Variants in CNTNAP5 observed in about 807,000 individuals in gnomAD.
The protein encoded by CNTNAP5 is contactin-associated protein-like 5.
Under a neutral mutation model 150.2 loss-of-function variants are expected in CNTNAP5, and 72 were observed. That is an observed-to-expected ratio of 0.48 (90% CI 0.40 to 0.58). CNTNAP5 has a LOEUF of 0.58. Among genes scored for constraint, CNTNAP5 ranks in the 20% least tolerant of loss-of-function variants. The pLI, the probability that CNTNAP5 is intolerant of heterozygous loss-of-function variation, is 0.00. For synonymous variants in CNTNAP5, 672 were observed against 619.8 expected (o/e 1.08, Z -1.25); for missense variants, 1,636 against 1,626.2 (o/e 1.01, Z -0.10).
At chr2:124,913,672 C>G (rs1678702955) in intron 23 of CNTNAP5, among the ~76,000 whole-genome samples, 1 of 151,982 alleles carries the variant, frequency 6.6e-6, no homozygotes, top group Admixed American at 6.6e-5. Context: ...ATTTAAGTAC[C>G]ATTTTCTAAG....
intron 12 of CNTNAP5, among the ~76,000 whole-genome samples, chr2:124,618,897 A>G (rs2104994024): frequency 6.6e-6 from 1 of 152,286 alleles, no homozygotes; most frequent in South Asian, 2.1e-4. Flanking sequence ...TGAACAAGAA[A>G]AGACCACTCT....
chr2:124,364,823 C>T (rs529268811), intron 3 of CNTNAP5, among the ~76,000 whole-genome samples: 1 of 152,212 alleles, frequency 6.6e-6, no homozygotes, highest in South Asian at 2.1e-4. Flanking sequence ...GAGGATAATA[C>T]AGTAGAGCTT....
At chr2:124,511,766 TC>T (rs1374413124) in intron 8 of CNTNAP5, among the ~76,000 whole-genome samples, 2 of 152,136 alleles carry the variant, frequency 1.3e-5, no homozygotes, top group African/African-American at 4.8e-5. Context: ...GCTACCCAAC[TC>T]CCAAAACTCT....
intron 21 of CNTNAP5, among the ~76,000 whole-genome samples, chr2:124,900,954 T>A (rs1039805513): frequency 5.9e-5 from 9 of 151,628 alleles, no homozygotes; most frequent in African/African-American, 2.2e-4. Flanking sequence ...TCCATTAAAG[T>A]TTTTTGTGAG....
intron 8 of CNTNAP5, among the ~76,000 whole-genome samples, chr2:124,504,863 C>T (rs998630886): frequency 6.6e-6 from 1 of 151,928 alleles, no homozygotes; most frequent in Non-Finnish European, 1.5e-5. Context: ...CACACCACCA[C>T]ATCCAGCTAA....
At chr2:124,065,169 A>G (rs1682123521) in intron 1 of CNTNAP5, among the ~76,000 whole-genome samples, 1 of 152,176 alleles carries the variant, frequency 6.6e-6, no homozygotes, top group African/African-American at 2.4e-5. Flanking sequence ...AGGGGAAAGT[A>G]CAGACACTGA....
chr2:124,484,765 C>T (rs1482421609), intron 7 of CNTNAP5, among the ~76,000 whole-genome samples: 2 of 152,086 alleles, frequency 1.3e-5, no homozygotes. Context: ...GCACACACAC[C>T]CCTTTAAGAA....
At chr2:124,716,766 G>C (rs1477758229) in intron 13 of CNTNAP5, among the ~76,000 whole-genome samples, 2 of 152,166 alleles carry the variant, frequency 1.3e-5, no homozygotes, top group East Asian at 1.9e-4. Flanking sequence ...AATTGATTAG[G>C]TGATAGATTT....
At chr2:124,038,727 C>A (rs942185958) in intron 1 of CNTNAP5, among the ~76,000 whole-genome samples, 3 of 152,222 alleles carry the variant, frequency 2.0e-5, no homozygotes, top group African/African-American at 7.2e-5. Context: ...TACCATCCAG[C>A]CTGCCCTTCT....
chr2:124,270,871 G>A (rs1687730563), intron 3 of CNTNAP5, among the ~76,000 whole-genome samples: 1 of 152,152 alleles, frequency 6.6e-6, no homozygotes, highest in East Asian at 1.9e-4. Flanking sequence ...TCCTCCCACT[G>A]TTAGAATATG....
intron 6 of CNTNAP5, among the ~76,000 whole-genome samples, chr2:124,451,475 T>A (rs1050824186): frequency 6.6e-6 from 1 of 152,042 alleles, no homozygotes; most frequent in Non-Finnish European, 1.5e-5. Context: ...AAAATCTATA[T>A]AATTATGTCA....
At chr2:124,332,037 T>A (rs1689361610) in intron 3 of CNTNAP5, among the ~76,000 whole-genome samples, 1 of 151,922 alleles carries the variant, frequency 6.6e-6, no homozygotes, top group South Asian at 2.1e-4. Context: ...TTATGATTCA[T>A]CCTTTATAAA....
rs1036778544 is a variant in CNTNAP5 at position 124,763,973 on chromosome 2, G to T, written c.2363-4G>T. 1.9e-6 allele frequency: 3 copies of T among 1,609,444 alleles called. No homozygotes were observed. Among genetic ancestry groups the T allele is most frequent in the African/African-American group, 1.3e-5 (1 of 74,592 alleles). On this transcript the variant is annotated splice_polypyrimidine_tract_variant and splice_region_variant and intron_variant, in intron 15 of 23. Coordinates refer to ENST00000682447, the MANE Select transcript of CNTNAP5 (RefSeq NM_001367498.1). ...ACCATGTTGAAGGATTTTCTCATTTGCAGGACGCTTCTGGAACGCCGTCTC... is the reference window on the plus strand; with the variant it reads ...ACCATGTTGAAGGATTTTCTCATTTTCAGGACGCTTCTGGAACGCCGTCTC...
intron 1 of CNTNAP5, among the ~76,000 whole-genome samples, chr2:124,104,021 A>T (rs936581024): frequency 1.4e-5 from 2 of 147,884 alleles, no homozygotes; most frequent in Admixed American, 6.8e-5. Flanking sequence ...ATATATTATA[A>T]ATATATGTAT....
intron 7 of CNTNAP5, among the ~76,000 whole-genome samples, chr2:124,476,666 T>C (rs899387378): frequency 1.3e-5 from 2 of 152,140 alleles, no homozygotes; most frequent in Non-Finnish European, 1.5e-5. Flanking sequence ...ATCTTCAGAA[T>C]TGGCCTTGTA....
intron 13 of CNTNAP5, among the ~76,000 whole-genome samples, chr2:124,648,908 A>T (rs538922221): frequency 6.6e-6 from 1 of 152,184 alleles, no homozygotes; most frequent in Non-Finnish European, 1.5e-5. Context: ...AAGGCTGGGG[A>T]AAAAATGGAG....
intron 13 of CNTNAP5, among the ~76,000 whole-genome samples, chr2:124,720,876 G>A (rs1420912418): frequency 1.3e-5 from 2 of 152,092 alleles, no homozygotes; most frequent in African/African-American, 2.4e-5. Context: ...TGGATCAGAC[G>A]GAGAATATAA....
At chr2:124,809,349 A>T (rs1189139862) in intron 19 of CNTNAP5, among the ~76,000 whole-genome samples, 1 of 151,930 alleles carries the variant, frequency 6.6e-6, no homozygotes, top group Non-Finnish European at 1.5e-5. Context: ...GCTAGATAGG[A>T]TAATATATAA....
intron 3 of CNTNAP5, among the ~76,000 whole-genome samples, chr2:124,338,122 G>A (rs966446182): frequency 6.6e-6 from 1 of 151,874 alleles, no homozygotes; most frequent in Admixed American, 6.6e-5. Flanking sequence ...TATTCTCTTT[G>A]AAGCAATTGT....
Sources: gnomAD v4.1 joint callset for allele counts (sites outside exome capture counted in the v4.1 genomes callset) on GRCh38, gnomAD v4.1.1 for gene constraint, MANE v1.5 for transcripts, NCBI Gene and HGNC (gene_info 2026-07-23, HGNC 2026-07-21) for gene names.